DGKI: variants seen among roughly 807,000 people sequenced by gnomAD.
The protein encoded by DGKI is DAG kinase iota.
DGKI carries 55 observed loss-of-function variants against 147.5 expected under a neutral mutation model. That is an observed-to-expected ratio of 0.37 (90% CI 0.30 to 0.47). The LOEUF is 0.47. Ranked by LOEUF, DGKI falls within the 20% of genes least tolerant of loss-of-function variation. The pLI is 1.00. For synonymous variants in DGKI, 469 were observed against 477.1 expected (o/e 0.98, Z 0.22); for missense variants, 1,007 against 1,323.8 (o/e 0.76, Z 3.71).
chr7:137,546,029 C>T, intron 20 of DGKI: 1 of 668,260 alleles, frequency 1.5e-6, no homozygotes, highest in Non-Finnish European at 2.7e-6. Flanking sequence ...AAGGAACAAG[C>T]CAGGGGAGAG....
In DGKI at chr7:137,382,416, A is replaced by C. The variant is rs1811081338; in HGVS notation, c.*8804T>G. ...ATAATGTATTATAAGAGGTTGGACA[A>C]ACTCCTTCCAAAAACCACCTCGTCC... On this transcript the variant is annotated 3_prime_UTR_variant, in exon 33 of 33. Coordinates refer to ENST00000614521, the MANE Select transcript of DGKI (RefSeq NM_001321708.2). 1 of 152,018 alleles carries C rather than the reference A, an allele frequency of 6.6e-6. No homozygotes were observed. The highest frequency in any genetic ancestry group is 1.5e-5 in the Non-Finnish European group (1 of 67,992). 9.4% of individuals were successfully genotyped at this position (152,018 alleles called of 1,614,324 possible).
At chr7:137,599,175 G>C (rs1819899284) in intron 11 of DGKI, among the ~76,000 whole-genome samples, 1 of 152,264 alleles carries the variant, frequency 6.6e-6, no homozygotes, top group South Asian at 2.1e-4. Context: ...AGTGTCCTTG[G>C]TCTTTTCCAC....
chr7:137,525,552 G>A (rs1817114598), intron 20 of DGKI, among the ~76,000 whole-genome samples: 1 of 152,164 alleles, frequency 6.6e-6, no homozygotes, highest in African/African-American at 2.4e-5. Context: ...GCCTGGATTT[G>A]AAGTAAAGTT....
chr7:137,390,990 C>T lies in DGKI; in HGVS notation c.*230G>A, dbSNP rs1217230561. On this transcript the variant is annotated 3_prime_UTR_variant, in exon 33 of 33. Coordinates refer to ENST00000614521, the MANE Select transcript of DGKI (RefSeq NM_001321708.2). ...AATAAGGATCAAATTTTGTGGAACT[C>T]GTACTGTATTCCACAAATCTCCAGG... 3 of 526,436 alleles carry T rather than the reference C, an allele frequency of 5.7e-6. No homozygotes were observed. The highest frequency in any genetic ancestry group is 3.5e-5 in the Admixed American group (1 of 28,488). The allele number at this position is 526,436 out of a possible 1,614,324, so 32.6% of individuals were successfully genotyped here.
intron 1 of DGKI, among the ~76,000 whole-genome samples, chr7:137,777,311 T>G (rs2116874446): frequency 6.6e-6 from 1 of 152,218 alleles, no homozygotes; most frequent in South Asian, 2.1e-4. Context: ...CAACAATAAC[T>G]TACATGGAAA....
intron 24 of DGKI, among the ~76,000 whole-genome samples, chr7:137,467,610 T>A (rs1247436339): frequency 6.6e-6 from 1 of 152,196 alleles, no homozygotes; most frequent in Non-Finnish European, 1.5e-5. Context: ...AAAAAAATTA[T>A]TTAAGCATTC....
At chr7:137,665,270 G>A (rs117684193) in intron 3 of DGKI, among the ~76,000 whole-genome samples, 2,648 of 152,318 alleles carry the variant, frequency 0.017, 39 homozygotes, top group Middle Eastern at 0.027. Context: ...GAAAGGCAGA[G>A]GCACAAGAGT....
rs560238994 is a variant in DGKI at position 137,817,771 on chromosome 7, C to G, written c.401+28691G>C. 6.6e-5 allele frequency among the ~76,000 whole-genome samples: 10 copies of G among 152,312 alleles called. No homozygotes were observed. In the East Asian group the frequency reaches 9.6e-4, roughly 15 times the overall value. ...TGAATGTAGAGAATGCAAACTGTAT[C>G]TGAGTGAGGCCAATGCTAAAAGGTA... is the stretch of plus-strand genomic sequence containing the variant. On this transcript the variant is annotated intron_variant, in intron 1 of 32. Transcript: ENST00000614521.
chr7:137,552,798 C>T (rs1818095743), intron 19 of DGKI, among the ~76,000 whole-genome samples: 2 of 151,786 alleles, frequency 1.3e-5, no homozygotes, highest in African/African-American at 4.8e-5. Flanking sequence ...ACCTGTAGTC[C>T]CAGCTACTTA....
intron 28 of DGKI, among the ~76,000 whole-genome samples, chr7:137,439,842 A>G (rs554380004): frequency 2.0e-4 from 31 of 152,210 alleles, no homozygotes; most frequent in Non-Finnish European, 4.0e-4. Context: ...TCTAAGAGGT[A>G]GGACAGGAGA....
At chr7:137,588,711 T>C (rs927131780) in intron 12 of DGKI, among the ~76,000 whole-genome samples, 3 of 152,008 alleles carry the variant, frequency 2.0e-5, no homozygotes, top group Non-Finnish European at 4.4e-5. Context: ...CTCCTGACCT[T>C]GTGATCTGCC....
chr7:137,670,432 C>T (rs746995615), intron 3 of DGKI, among the ~76,000 whole-genome samples: 1 of 152,170 alleles, frequency 6.6e-6, no homozygotes, highest in Non-Finnish European at 1.5e-5. Flanking sequence ...TGAGGGTCTA[C>T]CATGTGCCAG....
chr7:137,390,974 C>A lies in DGKI; in HGVS notation c.*246G>T, dbSNP rs1811339293. On this transcript the variant is annotated 3_prime_UTR_variant, in exon 33 of 33. Transcript: ENST00000614521. ...GCTACTTGCTGGAAGCAATAAGGAT[C>A]AAATTTTGTGGAACTCGTACTGTAT... is the stretch of plus-strand genomic sequence containing the variant. 3 of 495,450 alleles carry A rather than the reference C, an allele frequency of 6.1e-6. No individual in the cohort carries two copies. Among genetic ancestry groups the A allele is most frequent in the Admixed American group, 3.7e-5 (1 of 27,150 alleles). The allele number at this position is 495,450 out of a possible 1,614,324, so 30.7% of individuals were successfully genotyped here. A position where few individuals can be genotyped will look rare whatever the true frequency, so the allele number is the denominator to read the frequency against.
chr7:137,497,403 A>G (rs1417640938), intron 21 of DGKI, among the ~76,000 whole-genome samples: 1 of 152,114 alleles, frequency 6.6e-6, no homozygotes, highest in Non-Finnish European at 1.5e-5. Flanking sequence ...AAGAACTCAA[A>G]CAGAATTAGC....
chr7:137,743,866 C>G (rs1270287790), intron 1 of DGKI, among the ~76,000 whole-genome samples: 1 of 151,648 alleles, frequency 6.6e-6, no homozygotes, highest in Non-Finnish European at 1.5e-5. Context: ...GCCTGTAGTC[C>G]CAGCTACTCG....
intron 28 of DGKI, among the ~76,000 whole-genome samples, chr7:137,432,297 G>A (rs970701517): frequency 5.3e-5 from 8 of 152,104 alleles, no homozygotes; most frequent in African/African-American, 1.4e-4. Context: ...GTGTCCATTG[G>A]GCTGTAACCT....
chr7:137,743,991 A>AAG (rs1242008395), intron 1 of DGKI, among the ~76,000 whole-genome samples: 1 of 150,728 alleles, frequency 6.6e-6, no homozygotes, highest in Non-Finnish European at 1.5e-5. Context: ...TCAAAAAAGA[A>AAG]AAAAAAAAAA....
At chr7:137,619,196 C>A (rs779609743) in intron 8 of DGKI, among the ~76,000 whole-genome samples, 4 of 152,194 alleles carry the variant, frequency 2.6e-5, no homozygotes, top group Non-Finnish European at 5.9e-5. Context: ...TCAAAGATTA[C>A]GACCTTGTCA....
At chr7:137,676,648 G>A (rs1823048659) in intron 3 of DGKI, among the ~76,000 whole-genome samples, 1 of 152,156 alleles carries the variant, frequency 6.6e-6, no homozygotes, top group South Asian at 2.1e-4. Context: ...CAAGTACCTG[G>A]TATGAAATTA....
Sources: gnomAD v4.1 joint callset for allele counts (sites outside exome capture counted in the v4.1 genomes callset) on GRCh38, gnomAD v4.1.1 for gene constraint, MANE v1.5 for transcripts, NCBI Gene and HGNC (gene_info 2026-07-23, HGNC 2026-07-21) for gene names.